The following PDIA6 variants were observed in gnomAD, a reference collection of about 807,000 sequenced individuals.
PDIA6 encodes protein disulfide isomerase family A member 6, also known as protein disulfide-isomerase A6.
A neutral mutation model predicts 58.4 loss-of-function variants in PDIA6; 29 were observed. That is an observed-to-expected ratio of 0.50 (90% CI 0.37 to 0.68). PDIA6 has a LOEUF of 0.68. Ranked by LOEUF, PDIA6 falls within the 30% of genes least tolerant of loss-of-function variation. PDIA6 has a pLI of 0.00. For missense variants in PDIA6, 480 were observed against 551.0 expected (o/e 0.87, Z 1.29); for synonymous variants, 192 against 202.6 (o/e 0.95, Z 0.44).
At position 10,791,848 on chromosome 2, in the gene PDIA6, A is replaced by G; in HGVS notation, c.531T>C (p.Ser177=). 8.1e-6 allele frequency: 13 copies of G among 1,614,108 alleles called. No homozygotes were observed. Among genetic ancestry groups the G allele is most frequent in the Non-Finnish European group, 1.1e-5 (13 of 1,179,968 alleles). Residue 177 remains serine (S), a synonymous_variant, in exon 6 of 13, where the codon AGT becomes AGC. Coordinates refer to ENST00000272227, the MANE Select transcript of PDIA6 (RefSeq NM_005742.4). ...AGAACTCAACCATCCAAACATCTTC[A>G]CTGTCCAGAACATTCTTATCAAAGC... The part of the protein sequence containing the change: ...DDSFDKNVLD[S]EDVWMVEFYA...
chr2:10,806,628 C>CGAAAGAGAGAAAGAAAGAA (rs1553339930), intron 1 of PDIA6, among the ~76,000 whole-genome samples: 3 of 70,366 alleles, frequency 4.3e-5, no homozygotes, highest in Non-Finnish European at 7.9e-5. Context: ...AAAATAAAGA[C>CGAAAGAGAGAAAGAAAGAA]AGAAAGAAAG....
At chr2:10,786,355 A>C (rs1307524480) in intron 11 of PDIA6, among the ~76,000 whole-genome samples, 2 of 152,000 alleles carry the variant, frequency 1.3e-5, no homozygotes, top group East Asian at 3.9e-4. Flanking sequence ...CATATTAACC[A>C]ACTACAATGA....
At chr2:10,836,540 AG>A (rs1667835522), upstream of PDIA6, among the ~76,000 whole-genome samples, 4 of 128,690 alleles carry the variant, frequency 3.1e-5, no homozygotes, top group African/African-American at 1.2e-4. Context: ...AAACTTTTGC[AG>A]GCTTTTTTTT....
At chr2:10,834,112 G>T (rs75366245), upstream of PDIA6, among the ~76,000 whole-genome samples, 1 of 152,236 alleles carries the variant, frequency 6.6e-6, no homozygotes, top group African/African-American at 2.4e-5. Context: ...TCTACAGTGA[G>T]AGCAACGCAG....
At chr2:10,824,611 C>A (rs548539264) in intron 1 of PDIA6, among the ~76,000 whole-genome samples, 1 of 152,322 alleles carries the variant, frequency 6.6e-6, no homozygotes, top group South Asian at 2.1e-4. Flanking sequence ...TTTGCTTGGG[C>A]AGAAGCATGG....
At chr2:10,827,821 C>T in intron 1 of PDIA6, among the ~76,000 whole-genome samples, 1 of 77,608 alleles carries the variant, frequency 1.3e-5, no homozygotes, top group African/African-American at 4.1e-5. Flanking sequence ...ACGACTCTGT[C>T]TCAAAAAAAA....
At chr2:10,784,767 G>C in intron 12 of PDIA6, 167 bp downstream of exon 12, 1 of 582,496 alleles carries the variant, frequency 1.7e-6, no homozygotes, top group East Asian at 2.9e-5. Context: ...ACTTAAACTT[G>C]TGATAAGGAA....
chr2:10,802,160 G>T (rs1317038898), intron 2 of PDIA6, among the ~76,000 whole-genome samples: 1 of 152,190 alleles, frequency 6.6e-6, no homozygotes, highest in Non-Finnish European at 1.5e-5. Context: ...GGTAAGAAAA[G>T]AATTTTTAAA....
chr2:10,796,424 G>C (rs1011015680), intron 4 of PDIA6, among the ~76,000 whole-genome samples: 3 of 151,786 alleles, frequency 2.0e-5, no homozygotes, highest in African/African-American at 7.3e-5. Context: ...CAGCTACTTG[G>C]GAGGCTGAAG....
intron 1 of PDIA6, 106 bp downstream of exon 1, chr2:10,812,572 A>T: frequency 1.7e-6 from 2 of 1,187,754 alleles, no homozygotes; most frequent in Non-Finnish European, 2.2e-6. Flanking sequence ...CGCCAGGCCC[A>T]CTTCCGGCCG....
intron 11 of PDIA6, among the ~76,000 whole-genome samples, 194 bp downstream of exon 11, chr2:10,787,087 G>C (rs1366627710): frequency 6.6e-6 from 1 of 152,092 alleles, no homozygotes; most frequent in Non-Finnish European, 1.5e-5. Context: ...CGCAAGCAGA[G>C]TATTCCATGG....
At chr2:10,810,748 A>G (rs1666970612) in intron 1 of PDIA6, among the ~76,000 whole-genome samples, 1 of 152,198 alleles carries the variant, frequency 6.6e-6, no homozygotes, top group Admixed American at 6.5e-5. Context: ...CTGAATGCAT[A>G]AAAGTAGCCA....
At chr2:10,796,209 G>A (rs1265990334) in intron 4 of PDIA6, among the ~76,000 whole-genome samples, 5 of 151,906 alleles carry the variant, frequency 3.3e-5, no homozygotes, top group East Asian at 1.9e-4. Context: ...ACCCACCACC[G>A]TGCCCGGCTA....
rs748883791 is a variant in PDIA6, at chr2:10,793,101, T to C, written c.448A>G (p.Lys150Glu). 1.6e-5 allele frequency: 25 copies of C among 1,609,452 alleles called. No individual in the cohort carries two copies. Among genetic ancestry groups the C allele is most frequent in the Non-Finnish European group, 2.0e-5 (24 of 1,175,680 alleles). ...GGRSGGYSSG[K>E]QGRSDSSSKK... is the part of the protein sequence containing the mutation. ...CTGACATTTTATGGTCTTACTTGTT[T>C]TCCAGAACTGTATCCTCCGCTCCGT... Residue 150 changes from lysine to glutamate, a missense_variant, in exon 5 of 13, where the codon AAA (lysine) becomes GAA (glutamate). Physicochemically the swap from Lys to Glu is moderately conservative, Grantham distance 56. Coordinates refer to ENST00000272227, the MANE Select transcript of PDIA6 (RefSeq NM_005742.4).
chr2:10,792,494 G>C (rs1258834242), intron 5 of PDIA6, among the ~76,000 whole-genome samples: 2 of 152,140 alleles, frequency 1.3e-5, no homozygotes, highest in Non-Finnish European at 2.9e-5. Flanking sequence ...GAAATCTCTG[G>C]GTAAGCTCTG....
intron 1 of PDIA6, among the ~76,000 whole-genome samples, chr2:10,803,386 A>C (rs921346847): frequency 3.9e-5 from 6 of 152,164 alleles, no homozygotes; most frequent in Non-Finnish European, 8.8e-5. Context: ...CGAACTCCTG[A>C]CCTCAGGTGA....
At chr2:10,814,687 A>G (rs1389021041), upstream of PDIA6, among the ~76,000 whole-genome samples, 1 of 152,080 alleles carries the variant, frequency 6.6e-6, no homozygotes, top group Non-Finnish European at 1.5e-5. Context: ...TAATTCTCTT[A>G]CCAGAAGAGG....
chr2:10,833,231 G>A (rs897626688), upstream of PDIA6, among the ~76,000 whole-genome samples: 7 of 152,186 alleles, frequency 4.6e-5, no homozygotes, highest in African/African-American at 1.7e-4. Flanking sequence ...TCTCACTTTG[G>A]CCAGGCTGGC....
rs548813390 is a variant in PDIA6 at position 10,806,779 on chromosome 2, T to C, written c.20-4139A>G. 5.5e-4 allele frequency among the ~76,000 whole-genome samples: 83 copies of C among 152,192 alleles called. 3 individuals are homozygous for C. In the South Asian group the frequency reaches 0.011, roughly 21 times the overall value. ...TACTATTTTAATCTTTTATATCATATTTTTACTGCACCCTTTCTATGTTTA... is the reference window on the plus strand; with the variant it reads ...TACTATTTTAATCTTTTATATCATACTTTTACTGCACCCTTTCTATGTTTA... On this transcript the variant is annotated intron_variant, in intron 1 of 12. Transcript: ENST00000272227.
Sources: gnomAD v4.1 joint callset for allele counts (sites outside exome capture counted in the v4.1 genomes callset) on GRCh38, gnomAD v4.1.1 for gene constraint, MANE v1.5 for transcripts, NCBI Gene and HGNC (gene_info 2026-07-23, HGNC 2026-07-21) for gene names.